UBE2D3: variants seen among roughly 807,000 people sequenced by gnomAD.
UBE2D3 encodes the protein ubiquitin conjugating enzyme E2 D3.
UBE2D3 carries 2 observed loss-of-function variants against 22.8 expected under a neutral mutation model. That is an observed-to-expected ratio of 0.09 (90% CI 0.04 to 0.28). The LOEUF (loss-of-function observed/expected upper bound fraction) is 0.28. Ranked by LOEUF, UBE2D3 falls within the 10% of genes least tolerant of loss-of-function variation. The pLI is 1.00. For synonymous variants in UBE2D3, 56 were observed against 60.4 expected (o/e 0.93, Z 0.34); for missense variants, 27 against 182.5 (o/e 0.15, Z 4.91).
chr4:102,858,807 A>C (rs149487608), intron 1 of UBE2D3, among the ~76,000 whole-genome samples: 198 of 151,992 alleles, frequency 1.3e-3, no homozygotes, highest in African/African-American at 4.1e-3. Context: ...CGACACTTTA[A>C]CTCATCTATC....
chr4:102,864,390 G>A (rs545692965), intron 1 of UBE2D3, among the ~76,000 whole-genome samples: 1 of 32,364 alleles, frequency 3.1e-5, no homozygotes, highest in Non-Finnish European at 5.2e-5. Context: ...GGCTGACAGA[G>A]CAGAAAAAGA....
In UBE2D3 at chr4:102,827,542, T is replaced by G; in HGVS notation, c.-244A>C. 1.0e-6 allele frequency: 1 copy of G among 986,228 alleles called. No individual in the cohort carries two copies. The highest frequency in any genetic ancestry group is 1.2e-6 in the Non-Finnish European group (1 of 830,208). 61.1% of individuals were successfully genotyped at this position (986,228 alleles called of 1,614,324 possible). ...CGACACAGCCACAAGATGTCCGCTC[T>G]GACGGAACTACTGCCAGCTGCCACG... On this transcript the variant is annotated 5_prime_UTR_variant, in exon 1 of 8. Transcript: ENST00000453744.
At chr4:102,838,042 C>A (rs1469758318) in intron 1 of UBE2D3, among the ~76,000 whole-genome samples, 5 of 152,046 alleles carry the variant, frequency 3.3e-5, no homozygotes, top group African/African-American at 1.2e-4. Flanking sequence ...TTGCTGAAAC[C>A]TGGGAGGTTG....
At position 102,838,808 on chromosome 4, in the gene UBE2D3, A is replaced by C. The variant is rs556010876; in HGVS notation, c.-128-12172T>G. Among the ~76,000 whole-genome samples, 101 of 82,426 alleles carry C rather than the reference A, an allele frequency of 1.2e-3. 1 individual carries two copies. In the East Asian group the frequency reaches 0.026, roughly 21 times the overall value. The allele number at this position is 82,426 out of a possible 152,430, so 54.1% of individuals were successfully genotyped here. A position where few individuals can be genotyped will look rare whatever the true frequency, so the allele number is the denominator to read the frequency against. On this transcript the variant is annotated intron_variant, in intron 1 of 7. Transcript: ENST00000338145. ...GATGCTAAACAAAACTGTGCTGGGCAAAAAAAAAAAAAAAAAAAAAAAAGA... is the reference window on the plus strand; with the variant it reads ...GATGCTAAACAAAACTGTGCTGGGCCAAAAAAAAAAAAAAAAAAAAAAAGA...
intron 6 of UBE2D3, 45 bp downstream of exon 6, chr4:102,801,409 C>A: frequency 6.6e-7 from 1 of 1,507,662 alleles, no homozygotes; most frequent in East Asian, 2.3e-5. Flanking sequence ...AAGAATGAAG[C>A]TTTATTAGAC....
intron 1 of UBE2D3, among the ~76,000 whole-genome samples, chr4:102,856,694 C>T (rs1043319134): frequency 2.0e-5 from 3 of 152,106 alleles, no homozygotes; most frequent in Admixed American, 6.5e-5. Flanking sequence ...TCTAGGTATC[C>T]TTCTAGAAAT....
rs557528536 is a variant in UBE2D3 at position 102,823,503 on chromosome 4, C to T, written c.24+2982G>A. Among the ~76,000 whole-genome samples, 15 of 152,252 alleles carry T rather than the reference C, an allele frequency of 9.9e-5. 1 individual carries two copies. The Middle Eastern group carries it at 0.017, about 173-fold the overall frequency. On this transcript the variant is annotated intron_variant, in intron 2 of 7. Transcript: ENST00000453744. ...ATACTTCCAGAAATAAAAACCCTTA[C>T]GAAAACTTAACAGGGTGTATACAAT...
intron 1 of UBE2D3, among the ~76,000 whole-genome samples, chr4:102,857,534 G>T (rs1416048493): frequency 6.6e-6 from 1 of 152,134 alleles, no homozygotes; most frequent in Non-Finnish European, 1.5e-5. Context: ...TGGCTGAAAA[G>T]ATGCTAATAG....
chr4:102,808,732 G>A (rs994961163), intron 4 of UBE2D3, among the ~76,000 whole-genome samples: 2 of 152,064 alleles, frequency 1.3e-5, no homozygotes, highest in African/African-American at 2.4e-5. Context: ...TGTTTATTAT[G>A]TTCAATTTGT....
At chr4:102,841,543 A>G (rs1471013783) in intron 1 of UBE2D3, among the ~76,000 whole-genome samples, 2 of 152,066 alleles carry the variant, frequency 1.3e-5, no homozygotes, top group Non-Finnish European at 2.9e-5. Context: ...GTCCATTTCT[A>G]CTTATTTAGG....
upstream of UBE2D3, among the ~76,000 whole-genome samples, chr4:102,828,373 G>GC (rs1270758732): frequency 6.6e-6 from 1 of 152,116 alleles, no homozygotes; most frequent in Non-Finnish European, 1.5e-5. Context: ...GGGAGGAGGC[G>GC]CCCCTCGAGA....
intron 1 of UBE2D3, among the ~76,000 whole-genome samples, chr4:102,837,804 T>C (rs2110352281): frequency 6.6e-6 from 1 of 152,168 alleles, no homozygotes; most frequent in South Asian, 2.1e-4. Flanking sequence ...ACAAAAAAAT[T>C]AGCCAGGCGT....
At position 102,810,415 on chromosome 4, in the gene UBE2D3, A is replaced by AT. The variant is rs151222359; in HGVS notation, c.25-561dup. The AT allele has an allele frequency of 1.7e-3, 218 of 129,648 alleles. 1 individual carries two copies. The highest frequency in any genetic ancestry group is 3.9e-3 in the South Asian group (16 of 4,064). 8.0% of individuals were successfully genotyped at this position (129,648 alleles called of 1,614,324 possible). The stretch of plus-strand genomic sequence containing the variant: ...TCAGCATCCATTTTTAACTATTGAA[A>AT]TTTTTTTTTTTTTTGAGACGGAGTC... On this transcript the variant is annotated intron_variant, in intron 2 of 7. Transcript: ENST00000453744.
In UBE2D3 at chr4:102,796,501, T is replaced by C. The variant is rs1175601751; in HGVS notation, c.*914A>G. On this transcript the variant is annotated 3_prime_UTR_variant, in exon 8 of 8. Coordinates refer to ENST00000453744, the MANE Select transcript of UBE2D3 (RefSeq NM_181891.3). ...TACATCATCATTTGATGTCAAACAA[T>C]GAAGCAAATCCCAACAGTATATACA... is the stretch of plus-strand genomic sequence containing the variant. 1.3e-5 allele frequency: 2 copies of C among 152,452 alleles called. No homozygotes were observed. Among genetic ancestry groups the C allele is most frequent in the African/African-American group, 2.4e-5 (1 of 41,436 alleles). The allele number at this position is 152,452 out of a possible 1,614,324, so 9.4% of individuals were successfully genotyped here.
In UBE2D3 at chr4:102,827,473, G is replaced by A. The variant is rs947794665; in HGVS notation, c.-175C>T. On this transcript the variant is annotated 5_prime_UTR_variant, in exon 1 of 8. Coordinates refer to ENST00000453744, the MANE Select transcript of UBE2D3 (RefSeq NM_181891.3). Reference sequence around the variant, plus strand: ...AAGCTGCGGCCTCGGCCTCCTCCCCGCGCGGCAGCTGGTGCCTCCCCGGCC... The same window carrying A: ...AAGCTGCGGCCTCGGCCTCCTCCCCACGCGGCAGCTGGTGCCTCCCCGGCC... 1.0e-6 allele frequency: 1 copy of A among 985,660 alleles called. No individual in the cohort carries two copies. Among genetic ancestry groups the A allele is most frequent in the Middle Eastern group, 5.2e-4 (1 of 1,920 alleles). The allele number at this position is 985,660 out of a possible 1,614,324, so 61.1% of individuals were successfully genotyped here.
At chr4:102,810,944 A>G (rs1727876414) in intron 2 of UBE2D3, 1 of 152,202 alleles carries the variant, frequency 6.6e-6, no homozygotes, top group Non-Finnish European at 1.5e-5. Flanking sequence ...AGTTTAGTCT[A>G]TGGCATAAGT....
Position 102,797,103 on chromosome 4 carries a change from A to G in UBE2D3, c.*312T>C, listed in dbSNP as rs544839498. The G allele has an allele frequency of 8.6e-6, 2 of 233,492 alleles. No individual in the cohort carries two copies. The highest frequency in any genetic ancestry group is 1.8e-4 in the East Asian group (2 of 11,120). The allele number at this position is 233,492 out of a possible 1,614,324, so 14.5% of individuals were successfully genotyped here. ...AGCAGTGAGGAATGGTTTTAGTCTCATAACCAAGTTAGAGTGAAGACATTG... is the reference window on the plus strand; with the variant it reads ...AGCAGTGAGGAATGGTTTTAGTCTCGTAACCAAGTTAGAGTGAAGACATTG... On this transcript the variant is annotated 3_prime_UTR_variant, in exon 8 of 8. Coordinates refer to ENST00000453744, the MANE Select transcript of UBE2D3 (RefSeq NM_181891.3).
At chr4:102,805,727 T>C (rs1726922334) in intron 4 of UBE2D3, among the ~76,000 whole-genome samples, 1 of 152,224 alleles carries the variant, frequency 6.6e-6, no homozygotes, top group Non-Finnish European at 1.5e-5. Flanking sequence ...TTGCAAAATA[T>C]ATCTCTGGTC....
At chr4:102,806,078 T>C (rs551033919) in intron 4 of UBE2D3, among the ~76,000 whole-genome samples, 22 of 152,326 alleles carry the variant, frequency 1.4e-4, no homozygotes, top group African/African-American at 4.8e-4. Context: ...TCCATCCTAA[T>C]GATAAAGTGG....
Sources: gnomAD v4.1 joint callset for allele counts (sites outside exome capture counted in the v4.1 genomes callset) on GRCh38, gnomAD v4.1.1 for gene constraint, MANE v1.5 for transcripts, NCBI Gene and HGNC (gene_info 2026-07-23, HGNC 2026-07-21) for gene names.